Variants in SOD2 observed in about 807,000 individuals in gnomAD.
SOD2 encodes superoxide dismutase [Mn], mitochondrial.
In SOD2, 11 loss-of-function variants were observed where a neutral mutation model predicts 27.0. The ratio of observed to expected loss-of-function variants is 0.41; its 90% CI spans 0.26 to 0.67. SOD2 has a LOEUF of 0.67. Ranked by LOEUF, SOD2 falls within the 30% of genes least tolerant of loss-of-function variation. The probability of loss-of-function intolerance (pLI) is 0.34; values close to 1 mark genes in which losing one functional copy is unlikely to be tolerated. For missense variants in SOD2, 250 were observed against 274.5 expected (o/e 0.91, Z 0.63); for synonymous variants, 105 against 103.0 (o/e 1.02, Z -0.12).
chr6:159,742,626 C>T (rs373058703), intron 1 of SOD2, among the ~76,000 whole-genome samples: 1 of 152,104 alleles, frequency 6.6e-6, no homozygotes, highest in Non-Finnish European at 1.5e-5. Flanking sequence ...ATTTTAGTCT[C>T]ACTTTTTACT....
chr6:159,689,926 C>G (rs2495277), intron 2 of SOD2, among the ~76,000 whole-genome samples: 64,981 of 150,112 alleles, frequency 0.43, 14,721 homozygotes, highest in Admixed American at 0.5. Flanking sequence ...CGCCACTGCA[C>G]TCCAGCCTGG....
Position 159,673,141 on chromosome 6 carries a change from A to G in SOD2, c.*9352T>C, listed in dbSNP as rs1270796009. 1 of 152,172 alleles carries G rather than the reference A, an allele frequency of 6.6e-6. No individual in the cohort carries two copies. The highest frequency in any genetic ancestry group is 1.5e-5 in the Non-Finnish European group (1 of 68,034). The allele number at this position is 152,172 out of a possible 1,614,324, so 9.4% of individuals were successfully genotyped here. ...ACAAAGAGATTTAGACTCCCACACA[A>G]TAACAATGGGAGACTCTAACACCCC... On this transcript the variant is annotated 3_prime_UTR_variant, in exon 5 of 5. Coordinates refer to ENST00000538183, the MANE Select transcript of SOD2 (RefSeq NM_000636.4).
chr6:159,727,035 C>T, intron 1 of SOD2: 13 of 1,228,794 alleles, frequency 1.1e-5, no homozygotes, highest in Non-Finnish European at 1.4e-5. Context: ...CCGCAGGTGG[C>T]CCCGGCGAGT....
intron 1 of SOD2, chr6:159,726,180 A>T (rs1243289119): frequency 6.6e-6 from 1 of 152,516 alleles, no homozygotes; most frequent in Admixed American, 6.5e-5. Flanking sequence ...TCCCACCAGG[A>T]AAGGTAATTT....
At chr6:159,757,353 G>A (rs532438283) in intron 1 of SOD2, among the ~76,000 whole-genome samples, 87 of 152,088 alleles carry the variant, frequency 5.7e-4, no homozygotes, top group Non-Finnish European at 1.0e-3. Context: ...AGGTATATCC[G>A]GTCTTCAGCA....
intron 1 of SOD2, among the ~76,000 whole-genome samples, chr6:159,759,497 C>T (rs1780079678): frequency 6.6e-6 from 1 of 151,442 alleles, no homozygotes; most frequent in African/African-American, 2.4e-5. Context: ...TGGTGAAACC[C>T]CGTCTTTACT....
At chr6:159,692,167 A>C (rs1319805064) in intron 2 of SOD2, 1 of 251,148 alleles carries the variant, frequency 4.0e-6, no homozygotes, top group South Asian at 1.6e-4. Context: ...TCAGGAGGTG[A>C]CCCTGACACT....
upstream of SOD2, among the ~76,000 whole-genome samples, chr6:159,728,049 T>C (rs986260717): frequency 2.6e-5 from 4 of 152,162 alleles, no homozygotes; most frequent in African/African-American, 9.7e-5. Flanking sequence ...TTCACCTCCC[T>C]TGGGCCTCTC....
At chr6:159,738,907 T>G (rs1173855383) in intron 1 of SOD2, 3 of 998,442 alleles carry the variant, frequency 3.0e-6, no homozygotes, top group Admixed American at 4.5e-5. Context: ...AATCTCACAC[T>G]TGGGAGATGT....
At chr6:159,695,127 G>A (rs1368189517), upstream of SOD2, among the ~76,000 whole-genome samples, 2 of 152,222 alleles carry the variant, frequency 1.3e-5, no homozygotes, top group South Asian at 2.1e-4. Flanking sequence ...CTAGCTATGA[G>A]AACTGGAAGA....
At chr6:159,690,709 T>C (rs1012877668) in intron 2 of SOD2, among the ~76,000 whole-genome samples, 2 of 152,148 alleles carry the variant, frequency 1.3e-5, no homozygotes, top group African/African-American at 4.8e-5. Context: ...TTTTAATAAA[T>C]CAATAGTAAC....
At chr6:159,726,709 C>G (rs1778184677) in intron 1 of SOD2, 5 of 1,224,932 alleles carry the variant, frequency 4.1e-6, no homozygotes, top group Non-Finnish European at 5.3e-6. Context: ...GCCGCGGACA[C>G]AGCGCAACCT....
intron 1 of SOD2, among the ~76,000 whole-genome samples, chr6:159,757,759 C>T (rs772192251): frequency 4.6e-5 from 7 of 152,120 alleles, no homozygotes; most frequent in Non-Finnish European, 1.0e-4. Context: ...AAATCCTATA[C>T]GATTTTTAAT....
At chr6:159,693,573 G>C (rs952933737), upstream of SOD2, among the ~76,000 whole-genome samples, 3 of 152,188 alleles carry the variant, frequency 2.0e-5, no homozygotes, top group African/African-American at 7.2e-5. Context: ...CCCTGCCTCC[G>C]GCTCCGCCCC....
intron 1 of SOD2, among the ~76,000 whole-genome samples, chr6:159,718,425 C>A (rs1777964002): frequency 6.6e-6 from 1 of 151,996 alleles, no homozygotes; most frequent in Admixed American, 6.6e-5. Context: ...ATATGAATTT[C>A]TGAAATAATA....
upstream of SOD2, among the ~76,000 whole-genome samples, chr6:159,698,040 T>C (rs1161991449): frequency 3.3e-5 from 5 of 152,158 alleles, no homozygotes; most frequent in African/African-American, 9.7e-5. Flanking sequence ...TTTGGGAGGC[T>C]GAGGCAGGTG....
chr6:159,691,376 T>G (rs559440363), intron 2 of SOD2: 1 of 152,330 alleles, frequency 6.6e-6, no homozygotes, highest in Non-Finnish European at 1.5e-5. Context: ...CCTCCTCTTT[T>G]AATCATTTAC....
chr6:159,693,013 C>T (rs1347899983), intron 1 of SOD2, 132 bp downstream of exon 1: 1 of 1,398,260 alleles, frequency 7.2e-7, no homozygotes, highest in Non-Finnish European at 9.4e-7. Context: ...CCGGGCACTC[C>T]CGGGAGAACC....
At chr6:159,730,772 G>A (rs1264384802), upstream of SOD2, 1 of 152,166 alleles carries the variant, frequency 6.6e-6, no homozygotes, top group Non-Finnish European at 1.5e-5. Flanking sequence ...GACTTAGGAA[G>A]TGTAGACATT....
Sources: allele counts gnomAD v4.1 joint callset (sites outside exome capture counted in the v4.1 genomes callset), GRCh38; gene constraint gnomAD v4.1.1; transcripts MANE v1.5; gene names NCBI Gene and HGNC (gene_info 2026-07-23, HGNC 2026-07-21).